Variants in NUSAP1 observed in about 807,000 individuals in gnomAD.
The protein encoded by NUSAP1 is nucleolar and spindle associated protein 1, also known as nucleolar and spindle-associated protein 1.
In NUSAP1, 32 loss-of-function variants were observed where a neutral mutation model predicts 52.8. The observed-to-expected ratio is 0.61, with a 90% CI of 0.46 to 0.81. NUSAP1 has a LOEUF of 0.81. Ranked by LOEUF, NUSAP1 falls within the 40% of genes least tolerant of loss-of-function variation. NUSAP1 has a pLI of 0.00. For synonymous variants in NUSAP1, 195 were observed against 183.1 expected (o/e 1.06, Z -0.52); for missense variants, 499 against 522.3 (o/e 0.96, Z 0.43).
chr15:41,338,804 A>T (rs1343676754), intron 1 of NUSAP1, among the ~76,000 whole-genome samples: 3 of 152,020 alleles, frequency 2.0e-5, no homozygotes, highest in African/African-American at 7.2e-5. Context: ...AAAAAAAAAA[A>T]AAATACAAAA....
intron 6 of NUSAP1, among the ~76,000 whole-genome samples, chr15:41,361,027 G>A (rs531427259): frequency 4.6e-5 from 7 of 152,108 alleles, no homozygotes; most frequent in African/African-American, 1.7e-4. Flanking sequence ...CCAGGAGGTG[G>A]AGGTTGCAGT....
intron 2 of NUSAP1, chr15:41,345,716 C>T: frequency 3.9e-6 from 1 of 253,488 alleles, no homozygotes; most frequent in Non-Finnish European, 7.8e-6. Context: ...CCTCGGCCTC[C>T]CAAAGTGCTG....
At chr15:41,342,843 AC>A (rs1466390693) in intron 2 of NUSAP1, among the ~76,000 whole-genome samples, 3 of 151,898 alleles carry the variant, frequency 2.0e-5, no homozygotes, top group South Asian at 2.1e-4. Flanking sequence ...CGTTCAAAAA[AC>A]AAAAAAAAAG....
chr15:41,356,783 C>A (rs1199388987), intron 5 of NUSAP1, among the ~76,000 whole-genome samples: 1 of 152,166 alleles, frequency 6.6e-6, no homozygotes, highest in African/African-American at 2.4e-5. Flanking sequence ...GTATGAACTA[C>A]TTGGTACAAT....
chr15:41,338,420 C>G (rs1270325387), intron 1 of NUSAP1, among the ~76,000 whole-genome samples: 3 of 152,082 alleles, frequency 2.0e-5, no homozygotes, highest in Admixed American at 6.6e-5. Context: ...TTTGGATCAC[C>G]CTGGATTCCT....
chr15:41,334,256 T>C (rs965629406), intron 1 of NUSAP1, among the ~76,000 whole-genome samples: 3 of 152,160 alleles, frequency 2.0e-5, no homozygotes, highest in Non-Finnish European at 4.4e-5. Flanking sequence ...GTAGCTGGGA[T>C]TACAGGCGCG....
rs1371652267 is a variant in NUSAP1 at position 41,380,108 on chromosome 15, G to A, written c.1248G>A (p.Lys416=). 1.3e-6 allele frequency: 2 copies of A among 1,584,542 alleles called. No individual in the cohort carries two copies. The highest frequency in any genetic ancestry group is 1.7e-6 in the Non-Finnish European group (2 of 1,165,380). ...PHLQTKEEQR[K]KREQERKEKK... is the part of the protein sequence containing the mutation. ...TCCCTCTCAGGGAAGAGCAACGGAA[G>A]AAACGCGAGCAAGAACGAAAGGAGA... is the stretch of plus-strand genomic sequence containing the variant. The change falls in exon 11 of 11, where the codon AAG becomes AAA. Residue 416 remains lysine (K), a synonymous_variant. Transcript: ENST00000559596.
intron 4 of NUSAP1, among the ~76,000 whole-genome samples, chr15:41,351,349 T>G (rs2048771958): frequency 6.6e-6 from 1 of 152,148 alleles, no homozygotes; most frequent in Admixed American, 6.6e-5. Flanking sequence ...ACTCCTTCCT[T>G]GCCTCTGACT....
At chr15:41,368,457 A>C (rs1460860859) in intron 7 of NUSAP1, among the ~76,000 whole-genome samples, 1 of 152,172 alleles carries the variant, frequency 6.6e-6, no homozygotes, top group Non-Finnish European at 1.5e-5. Flanking sequence ...CTCTTCCTCA[A>C]ATACCAATAT....
intron 1 of NUSAP1, among the ~76,000 whole-genome samples, chr15:41,336,987 T>A (rs1435516438): frequency 6.7e-6 from 1 of 149,266 alleles, no homozygotes; most frequent in East Asian, 2.0e-4. Context: ...CCCCTTTTTT[T>A]CCTTTCCTTT....
chr15:41,341,907 A>G (rs957932164), intron 1 of NUSAP1, among the ~76,000 whole-genome samples: 25 of 152,180 alleles, frequency 1.6e-4, no homozygotes, highest in African/African-American at 5.8e-4. Flanking sequence ...GTCTCTTACT[A>G]TCTCCTACAA....
At chr15:41,368,728 CTTTTTTTTTTT>C (rs57501156) in intron 7 of NUSAP1, among the ~76,000 whole-genome samples, 1 of 77,918 alleles carries the variant, frequency 1.3e-5, no homozygotes, top group African/African-American at 5.2e-5. Context: ...TTATTTTATT[CTTTTTTTTTTT>C]TTTTTTTTTT....
At chr15:41,376,077 A>T (rs957376617) in intron 9 of NUSAP1, among the ~76,000 whole-genome samples, 2 of 151,626 alleles carry the variant, frequency 1.3e-5, no homozygotes, top group Non-Finnish European at 2.9e-5. Flanking sequence ...AAAAATAAAA[A>T]TAAAAAATAA....
intron 4 of NUSAP1, among the ~76,000 whole-genome samples, chr15:41,355,261 C>T (rs771685553): frequency 6.6e-6 from 1 of 152,024 alleles, no homozygotes; most frequent in Non-Finnish European, 1.5e-5. Context: ...CAACCTCCAC[C>T]TCCTGGGTTC....
chr15:41,336,291 AT>A (rs1395539984), intron 1 of NUSAP1, among the ~76,000 whole-genome samples: 1 of 150,528 alleles, frequency 6.6e-6, no homozygotes, highest in African/African-American at 2.4e-5. Context: ...AATAATAATA[AT>A]AATAAATATA....
chr15:41,365,258 G>A, intron 6 of NUSAP1, 144 bp from the exon 7 acceptor site: 1 of 585,606 alleles, frequency 1.7e-6, no homozygotes, highest in Non-Finnish European at 2.9e-6. Context: ...CTGGGTTCAA[G>A]TGATTCTCCC....
At chr15:41,361,461 C>T (rs2049176520) in intron 6 of NUSAP1, among the ~76,000 whole-genome samples, 1 of 152,024 alleles carries the variant, frequency 6.6e-6, no homozygotes, top group Non-Finnish European at 1.5e-5. Context: ...TGGCTCACAC[C>T]TGTCAATCCA....
At chr15:41,376,225 G>A (rs1024941513) in intron 9 of NUSAP1, among the ~76,000 whole-genome samples, 3 of 151,472 alleles carry the variant, frequency 2.0e-5, no homozygotes, top group East Asian at 2.0e-4. Flanking sequence ...GTGAAACCCC[G>A]TCTCTTCTGA....
rs1305492397 is a variant in NUSAP1 at position 41,373,230 on chromosome 15, C to T, written c.1006+1546C>T. 3.3e-5 allele frequency among the ~76,000 whole-genome samples: 5 copies of T among 151,874 alleles called. No homozygotes were observed. In the East Asian group the frequency reaches 9.8e-4, roughly 30 times the overall value. ...CCAACATGGCAAAACCTCGTCTCTA[C>T]TAAAAATACGAAAATTAGCCGGGCG... On this transcript the variant is annotated intron_variant, in intron 8 of 10. Transcript: ENST00000559596.
Sources: allele counts gnomAD v4.1 joint callset (sites outside exome capture counted in the v4.1 genomes callset), GRCh38; gene constraint gnomAD v4.1.1; transcripts MANE v1.5; gene names NCBI Gene and HGNC (gene_info 2026-07-23, HGNC 2026-07-21).